Variants in ANKDD1A observed in about 807,000 individuals in gnomAD.
ANKDD1A encodes the protein ankyrin repeat and death domain-containing protein 1A.
ANKDD1A carries 59 observed loss-of-function variants against 63.5 expected under a neutral mutation model. The observed-to-expected ratio is 0.93, with a 90% CI of 0.75 to 1.15. The LOEUF (loss-of-function observed/expected upper bound fraction) is 1.15. ANKDD1A is among the 50% of genes most tolerant of loss of function. ANKDD1A has a pLI of 0.00. For missense variants in ANKDD1A, 632 were observed against 656.4 expected (o/e 0.96, Z 0.41); for synonymous variants, 266 against 263.9 (o/e 1.01, Z -0.08).
intron 3 of ANKDD1A, among the ~76,000 whole-genome samples, chr15:64,918,940 C>A (rs894288971): frequency 1.3e-5 from 2 of 150,654 alleles, no homozygotes; most frequent in Non-Finnish European, 3.0e-5. Context: ...GGTGACAGAG[C>A]GAGACTCTGT....
At position 64,915,846 on chromosome 15, in the gene ANKDD1A, C is replaced by G. The variant is rs144255860; in HGVS notation, c.84C>G (p.Val28=). 4.2e-4 allele frequency: 678 copies of G among 1,614,062 alleles called. 6 individuals are homozygous for G. In the African/African-American group the frequency reaches 7.5e-3, roughly 18 times the overall value. Residue 28 remains valine (V), a synonymous_variant, in exon 2 of 15, where the codon GTC becomes GTG. Transcript: ENST00000319580. ...QLHEAARQNN[V]GRMQELIGRR... ...ACGAGGCCGCCCGCCAGAACAATGT[C>G]GGCAGGATGCAGGAGCTGATTGGGA...
intron 8 of ANKDD1A, chr15:64,931,881 A>T: frequency 1.9e-6 from 1 of 516,942 alleles, no homozygotes; most frequent in Non-Finnish European, 3.4e-6. Flanking sequence ...ACACCTCAAT[A>T]CCTGTTAGTG....
chr15:64,930,188 C>G (rs1204248974), intron 6 of ANKDD1A, among the ~76,000 whole-genome samples: 1 of 151,652 alleles, frequency 6.6e-6, no homozygotes, highest in Admixed American at 6.6e-5. Flanking sequence ...CAGCAAACCA[C>G]CAATGCACAC....
chr15:64,925,227 C>CAAAAAAAA (rs769786433), intron 4 of ANKDD1A, among the ~76,000 whole-genome samples: 1 of 42,610 alleles, frequency 2.3e-5, no homozygotes, highest in African/African-American at 7.9e-5. Context: ...GACTCCGACT[C>CAAAAAAAA]AAAAAAAAAA....
intron 14 of ANKDD1A, among the ~76,000 whole-genome samples, chr15:64,954,390 CTT>C (rs1461853187): frequency 2.3e-4 from 10 of 43,220 alleles, no homozygotes; most frequent in South Asian, 1.2e-3. Context: ...TTTTCTTCTT[CTT>C]TCTTCTTCCT....
At chr15:64,936,938 T>C (rs2085138572) in intron 9 of ANKDD1A, among the ~76,000 whole-genome samples, 1 of 152,090 alleles carries the variant, frequency 6.6e-6, no homozygotes, top group African/African-American at 2.4e-5. Flanking sequence ...AAGAGACATT[T>C]GGTAGAAAAG....
intron 13 of ANKDD1A, among the ~76,000 whole-genome samples, chr15:64,948,854 C>CA (rs1028537079): frequency 2.0e-5 from 3 of 152,002 alleles, no homozygotes; most frequent in Non-Finnish European, 2.9e-5. Context: ...ATTCCTGACA[C>CA]AAAAATATGC....
Position 64,941,999 on chromosome 15 carries a change from T to C in ANKDD1A, c.868-468T>C, listed in dbSNP as rs143497578. Among the ~76,000 whole-genome samples, 1,441 of 152,332 alleles carry C rather than the reference T, an allele frequency of 9.5e-3. 39 individuals carry two copies. Among genetic ancestry groups the C allele is most frequent in the African/African-American group, 0.034 (1,406 of 41,554 alleles). The stretch of plus-strand genomic sequence containing the variant: ...CATCGTTCCTATTAGCTAAGTATCC[T>C]TGGGTAAGTCATTTAAGTTTTCTGA... On this transcript the variant is annotated intron_variant, in intron 9 of 14. Transcript: ENST00000319580.
In ANKDD1A at chr15:64,931,527, A is replaced by T; in HGVS notation, c.710A>T (p.His237Leu). Residue 237 changes from histidine (H) to leucine (L), a missense_variant, in exon 8 of 15, where the codon CAC becomes CTC. Coordinates refer to ENST00000319580, the MANE Select transcript of ANKDD1A (RefSeq NM_182703.6). ...CTGCATTCGGCTGCTGGAGGATCCC[A>T]CCCTGACTGTGTGCAGCTCCTCCTC... ...TALHSAAGGSHPDCVQLLLRA... is the reference protein window; with the variant it reads ...TALHSAAGGSLPDCVQLLLRA... 1 of 1,613,970 alleles carries T rather than the reference A, an allele frequency of 6.2e-7. No homozygotes were observed.
intron 14 of ANKDD1A, among the ~76,000 whole-genome samples, chr15:64,952,270 CT>C (rs907925508): frequency 6.9e-6 from 1 of 145,106 alleles, no homozygotes; most frequent in Non-Finnish European, 1.5e-5. Flanking sequence ...CCTTCTCCTT[CT>C]TTTTCTTCTT....
At chr15:64,954,015 TTTCCTCTTCTTTTCTTTCTTC>T (rs2085370174) in intron 14 of ANKDD1A, among the ~76,000 whole-genome samples, 2 of 88,382 alleles carry the variant, frequency 2.3e-5, no homozygotes, top group Non-Finnish European at 4.6e-5. Flanking sequence ...TTCTTCCTTC[TTTCCTCTTCTTTTCTTTCTTC>T]TTCCTCTTCT....
rs751965693 is a variant in ANKDD1A at position 64,921,913 on chromosome 15, TC to T, written c.268-4del. On this transcript the variant is annotated splice_region_variant and splice_polypyrimidine_tract_variant and intron_variant, in intron 3 of 14. Transcript: ENST00000319580. ...TTCTTCTCACCTCCTCTATGTCCTC[TC>T]CCCTAGTTTGGGATGAATGCGCTTC... 4.3e-6 allele frequency: 7 copies of T among 1,613,564 alleles called. No homozygotes were observed. In the South Asian group the frequency reaches 7.7e-5, roughly 18 times the overall value.
chr15:64,957,878 TAAGA>T lies in ANKDD1A; in HGVS notation c.*698_*701del, dbSNP rs1238214954. ...TACTAATAGTATGCTGTTAATTGTG[TAAGA>T]AAGAAAGGAAATTAGAAAACATATT... is the stretch of plus-strand genomic sequence containing the variant. On this transcript the variant is annotated 3_prime_UTR_variant, in exon 15 of 15. Transcript: ENST00000319580. 6 of 152,050 alleles carry T rather than the reference TAAGA, an allele frequency of 3.9e-5. No individual in the cohort carries two copies. The East Asian group carries it at 5.8e-4, about 15-fold the overall frequency. The allele number at this position is 152,050 out of a possible 1,614,324, so 9.4% of individuals were successfully genotyped here.
At chr15:64,941,525 T>G (rs934141007) in intron 9 of ANKDD1A, among the ~76,000 whole-genome samples, 8 of 152,318 alleles carry the variant, frequency 5.3e-5, no homozygotes, top group Non-Finnish European at 1.2e-4. Flanking sequence ...CAAATAATTT[T>G]TTGTTCAAAT....
chr15:64,913,576 A>C (rs1030275378), intron 1 of ANKDD1A, among the ~76,000 whole-genome samples: 2 of 152,188 alleles, frequency 1.3e-5, no homozygotes, highest in South Asian at 4.1e-4. Context: ...GCCAGAGTTG[A>C]ACCCAGGACT....
At chr15:64,954,875 TTCCTTC>T (rs1566749712) in intron 14 of ANKDD1A, among the ~76,000 whole-genome samples, 1 of 23,754 alleles carries the variant, frequency 4.2e-5, no homozygotes, top group Non-Finnish European at 3.7e-4. Flanking sequence ...CCTTTTCTTC[TTCCTTC>T]TCCTCCTCCT....
chr15:64,944,072 C>G (rs755275077), intron 11 of ANKDD1A, among the ~76,000 whole-genome samples: 1 of 152,160 alleles, frequency 6.6e-6, no homozygotes, highest in Non-Finnish European at 1.5e-5. Context: ...TGTGACTCAG[C>G]GAGGCCAGCC....
chr15:64,953,459 CCTTCTT>C (rs797030479), intron 14 of ANKDD1A, among the ~76,000 whole-genome samples: 74,148 of 116,316 alleles, frequency 0.64, 20,787 homozygotes, highest in East Asian at 0.87. Flanking sequence ...TTTCTTCTCT[CCTTCTT>C]CTTCTTCCTC....
intron 14 of ANKDD1A, among the ~76,000 whole-genome samples, chr15:64,954,368 T>G (rs2085383041): frequency 5.4e-5 from 1 of 18,506 alleles, no homozygotes; most frequent in Non-Finnish European, 3.3e-4. Context: ...CTTCTCCTTC[T>G]TCTTCCTTTT....
Sources: gnomAD v4.1 joint callset for allele counts (sites outside exome capture counted in the v4.1 genomes callset) on GRCh38, gnomAD v4.1.1 for gene constraint, MANE v1.5 for transcripts, NCBI Gene and HGNC (gene_info 2026-07-23, HGNC 2026-07-21) for gene names.